AMPH: variants seen among roughly 807,000 people sequenced by gnomAD.
The protein encoded by AMPH is amphiphysin (Stiff-Mann syndrome with breast cancer 128kD autoantigen).
A neutral mutation model predicts 99.1 loss-of-function variants in AMPH; 49 were observed. The ratio of observed to expected loss-of-function variants is 0.49; its 90% CI spans 0.39 to 0.63. AMPH has a LOEUF of 0.63. Among genes scored for constraint, AMPH ranks in the 20% least tolerant of loss-of-function variants. The pLI, the probability that AMPH is intolerant of heterozygous loss-of-function variation, is 0.00. For missense variants in AMPH, 759 were observed against 863.4 expected (o/e 0.88, Z 1.52); for synonymous variants, 314 against 317.3 (o/e 0.99, Z 0.11).
At chr7:38,466,020 C>A (rs1291514333) in intron 8 of AMPH, among the ~76,000 whole-genome samples, 153 bp downstream of exon 8, 1 of 152,120 alleles carries the variant, frequency 6.6e-6, no homozygotes, top group East Asian at 1.9e-4. Context: ...CTATGAAAAA[C>A]CGTAGAAATG....
chr7:38,432,719 C>T (rs1382856279), intron 12 of AMPH, among the ~76,000 whole-genome samples: 2 of 152,098 alleles, frequency 1.3e-5, no homozygotes, highest in African/African-American at 4.8e-5. Context: ...CTATTTCCTT[C>T]CCATCTCATT....
At chr7:38,417,307 AT>A (rs1785415744) in intron 17 of AMPH, among the ~76,000 whole-genome samples, 1 of 135,594 alleles carries the variant, frequency 7.4e-6, no homozygotes, top group Non-Finnish European at 1.6e-5. Flanking sequence ...GGTCCGTATT[AT>A]TATGAGTCAT....
intron 1 of AMPH, among the ~76,000 whole-genome samples, chr7:38,561,827 A>G (rs1164979439): frequency 6.6e-6 from 1 of 152,248 alleles, no homozygotes; most frequent in Admixed American, 6.5e-5. Context: ...TCTCTCTGCC[A>G]TAAGAGAACA....
chr7:38,531,526 A>G (rs1371075330), intron 2 of AMPH, among the ~76,000 whole-genome samples: 2 of 152,220 alleles, frequency 1.3e-5, no homozygotes, highest in Non-Finnish European at 2.9e-5. Flanking sequence ...AAATAAAGAA[A>G]AGCCCCAAGC....
chr7:38,549,441 G>A (rs532022607), intron 1 of AMPH, among the ~76,000 whole-genome samples: 1 of 152,298 alleles, frequency 6.6e-6, no homozygotes, highest in East Asian at 1.9e-4. Flanking sequence ...TTGGGAAAAA[G>A]GAGAATAAAG....
chr7:38,417,549 AG>A (rs768552091), intron 17 of AMPH, among the ~76,000 whole-genome samples: 4 of 152,252 alleles, frequency 2.6e-5, no homozygotes, highest in Non-Finnish European at 5.9e-5. Flanking sequence ...AAGCATTAAC[AG>A]GTCTGATTAC....
At chr7:38,630,573 T>C (rs1289610090) in intron 1 of AMPH, among the ~76,000 whole-genome samples, 1 of 152,220 alleles carries the variant, frequency 6.6e-6, no homozygotes, top group Non-Finnish European at 1.5e-5. Flanking sequence ...AGAAAGGAAC[T>C]ATTAGGTTCA....
chr7:38,399,960 G>A (rs1201727177), intron 17 of AMPH, among the ~76,000 whole-genome samples: 4 of 152,188 alleles, frequency 2.6e-5, no homozygotes, highest in Admixed American at 6.5e-5. Flanking sequence ...CAGAAACTAG[G>A]AGTATTGCTA....
intron 2 of AMPH, among the ~76,000 whole-genome samples, chr7:38,509,760 T>C (rs948771779): frequency 6.6e-6 from 1 of 152,168 alleles, no homozygotes; most frequent in Non-Finnish European, 1.5e-5. Context: ...TTTAATATAC[T>C]GGTAGGGGAG....
chr7:38,457,006 A>G (rs936572771), intron 11 of AMPH, among the ~76,000 whole-genome samples: 2 of 152,226 alleles, frequency 1.3e-5, no homozygotes, highest in African/African-American at 2.4e-5. Context: ...ACAGCCAAAT[A>G]AATTATACAA....
At chr7:38,615,557 T>A (rs4720296) in intron 1 of AMPH, among the ~76,000 whole-genome samples, 12,160 of 151,558 alleles carry the variant, frequency 0.08, 806 homozygotes, top group African/African-American at 0.17. Context: ...CAAAAAAGAG[T>A]AACAAAAGTG....
intron 1 of AMPH, among the ~76,000 whole-genome samples, chr7:38,539,812 G>A (rs1336419123): frequency 6.6e-6 from 1 of 152,228 alleles, no homozygotes; most frequent in Non-Finnish European, 1.5e-5. Flanking sequence ...ATGTGCAGTT[G>A]CCTACATGTA....
chr7:38,413,406 A>G (rs1785270373), intron 17 of AMPH, among the ~76,000 whole-genome samples: 1 of 152,150 alleles, frequency 6.6e-6, no homozygotes, highest in Non-Finnish European at 1.5e-5. Flanking sequence ...CCATATACAT[A>G]TTTGTACTTT....
intron 3 of AMPH, among the ~76,000 whole-genome samples, chr7:38,494,822 C>T (rs144756695): frequency 2.0e-4 from 31 of 152,224 alleles, no homozygotes; most frequent in African/African-American, 6.5e-4. Flanking sequence ...TGTCCTATTA[C>T]GTGTGCTATC....
rs187682968 is a variant in AMPH at position 38,545,432 on chromosome 7, G to A, written c.70-10421C>T. ...AGTTCAGTTTGTTTGTGGCAGAGGC[G>A]GGGCTGTTGTGATTTGGTTTGGTTT... On this transcript the variant is annotated intron_variant, in intron 1 of 20. Transcript: ENST00000356264. 1.3e-4 allele frequency among the ~76,000 whole-genome samples: 20 copies of A among 152,116 alleles called. No homozygotes were observed. In the East Asian group the frequency reaches 2.7e-3, roughly 21 times the overall value.
At chr7:38,594,670 T>G (rs1792986048) in intron 1 of AMPH, among the ~76,000 whole-genome samples, 1 of 152,086 alleles carries the variant, frequency 6.6e-6, no homozygotes, top group Non-Finnish European at 1.5e-5. Flanking sequence ...TTTCATATTT[T>G]TCTAGAGAAA....
At chr7:38,540,066 T>G (rs1188554177) in intron 1 of AMPH, among the ~76,000 whole-genome samples, 1 of 152,188 alleles carries the variant, frequency 6.6e-6, no homozygotes, top group Non-Finnish European at 1.5e-5. Context: ...GTGGCACTAT[T>G]GATATTACAG....
intron 1 of AMPH, among the ~76,000 whole-genome samples, chr7:38,616,140 T>A (rs1427533026): frequency 6.6e-6 from 1 of 152,120 alleles, no homozygotes; most frequent in Non-Finnish European, 1.5e-5. Context: ...TGTGTACATC[T>A]CCTCTGCACA....
At position 38,462,958 on chromosome 7, in the gene AMPH, A is replaced by G; in HGVS notation, c.888+17T>C. On this transcript the variant is annotated intron_variant, in intron 10 of 20. Coordinates refer to ENST00000356264, the MANE Select transcript of AMPH (RefSeq NM_001635.4). ...CATCATGAGCTCTATCCCCCAATATATTTGACCTCTTCCTACCTGTGAAGG... is the reference window on the plus strand; with the variant it reads ...CATCATGAGCTCTATCCCCCAATATGTTTGACCTCTTCCTACCTGTGAAGG... The G allele has an allele frequency of 6.5e-7, 1 of 1,539,124 alleles. No individual in the cohort carries two copies. The highest frequency in any genetic ancestry group is 8.7e-7 in the Non-Finnish European group (1 of 1,144,028).
Sources: allele counts gnomAD v4.1 joint callset (sites outside exome capture counted in the v4.1 genomes callset), GRCh38; gene constraint gnomAD v4.1.1; transcripts MANE v1.5; gene names NCBI Gene and HGNC (gene_info 2026-07-23, HGNC 2026-07-21).